Variants in USF3 observed in about 807,000 individuals in gnomAD.
The protein encoded by USF3 is upstream transcription factor family member 3.
USF3 carries 29 observed loss-of-function variants against 157.5 expected under a neutral mutation model. That is an observed-to-expected ratio of 0.18 (90% confidence interval 0.14 to 0.25). The LOEUF is 0.25. Ranked by LOEUF, USF3 falls within the 10% of genes least tolerant of loss-of-function variation. The probability of loss-of-function intolerance (pLI) is 1.00; values close to 1 mark genes in which losing one functional copy is unlikely to be tolerated. For synonymous variants in USF3, 893 were observed against 941.4 expected, an observed-to-expected ratio of 0.95 and a Z score of 0.94; for missense variants, 2,381 against 2,667.6, an observed-to-expected ratio of 0.89 and a Z score of 2.37.
chr3:113,657,504 G>T lies in USF3; in HGVS notation c.4178C>A (p.Ala1393Asp). The T allele has an allele frequency of 6.2e-7, 1 of 1,614,152 alleles. No individual in the cohort carries two copies. The highest frequency in any genetic ancestry group is 8.5e-7 in the Non-Finnish European group (1 of 1,180,038). The change falls in exon 7 of 7, where the codon GCT (alanine) becomes GAT (aspartate). Residue 1393 changes from alanine (A) to aspartate (D), a missense_variant. This residue lies in a region of USF3 where 1,435 missense variants were observed against 1,550.9 expected (regional missense o/e 0.93). Coordinates refer to ENST00000316407, the MANE Select transcript of USF3 (RefSeq NM_001009899.4). ...TAATCGTGTAAGGCCATCTCCATGA[G>T]CTGGGTTGCTAACAGGCACAACTGA... ...SNSVVPVSNP[A>D]HGDGLTRLFP...
Position 113,650,504 on chromosome 3 carries a change from G to T in USF3, c.*4440C>A, listed in dbSNP as rs1451740767. The stretch of plus-strand genomic sequence containing the variant: ...TTCCCTGAGCCCTATTTGACATGGA[G>T]CAGATGGAAGAGCATAAGTGCCTAC... On this transcript the variant is annotated 3_prime_UTR_variant, in exon 7 of 7. Transcript: ENST00000316407. The T allele has an allele frequency of 6.6e-6, 1 of 152,122 alleles. No homozygotes were observed. The highest frequency in any genetic ancestry group is 1.5e-5 in the Non-Finnish European group (1 of 68,034). 9.4% of individuals were successfully genotyped at this position (152,122 alleles called of 1,614,324 possible).
chr3:113,668,870 T>C (rs12630791), intron 5 of USF3, among the ~76,000 whole-genome samples: 52,532 of 151,678 alleles, frequency 0.35, 9,198 homozygotes, highest in African/African-American at 0.41. Flanking sequence ...CTGGAAGAGG[T>C]CAACTGGTTG....
Position 113,656,514 on chromosome 3 carries a change from T to C in USF3, c.5168A>G (p.His1723Arg). ...AAGGCGGATATCTGAGGCCACAGTA[T>C]GGTCCACACGACCCTGCATATTATG... ...AIHNMQGRVDHTVASDIRLSD... is the reference protein window; with the variant it reads ...AIHNMQGRVDRTVASDIRLSD... Residue 1723 changes from histidine to arginine, a missense_variant, in exon 7 of 7, where the codon CAT becomes CGT. Physicochemically the swap from His to Arg is conservative, Grantham distance 29 (BLOSUM62 0). This residue lies in a region of USF3 where 770 missense variants were observed against 824.2 expected (regional missense o/e 0.93). Coordinates refer to ENST00000316407, the MANE Select transcript of USF3 (RefSeq NM_001009899.4). The C allele has an allele frequency of 6.2e-7, 1 of 1,614,252 alleles. No individual in the cohort carries two copies. The highest frequency in any genetic ancestry group is 8.5e-7 in the Non-Finnish European group (1 of 1,180,052).
At position 113,661,175 on chromosome 3, in the gene USF3, A is replaced by G. The variant is rs1947478828; in HGVS notation, c.507T>C (p.Thr169=). The G allele has an allele frequency of 6.2e-7, 1 of 1,614,112 alleles. No individual in the cohort carries two copies. Among genetic ancestry groups the G allele is most frequent in the South Asian group, 1.1e-5 (1 of 91,088 alleles). ...NSQGTAVQGI[T]FNVSHNLQKQ... is the part of the protein sequence containing the mutation. ...TTTGTAAATTATGACTAACATTAAA[A>G]GTTATCCCCTGAACAGCTGTTCCCT... Residue 169 remains threonine (T), a synonymous_variant, in exon 7 of 7, where the codon ACT becomes ACC. Transcript: ENST00000316407.
chr3:113,675,277 T>C (rs922868695), intron 2 of USF3, among the ~76,000 whole-genome samples: 2 of 152,166 alleles, frequency 1.3e-5, no homozygotes, highest in Admixed American at 6.5e-5. Context: ...TGAAGTGTTA[T>C]ACAGAATTTA....
chr3:113,686,955 A>T (rs1013569545), intron 1 of USF3, among the ~76,000 whole-genome samples: 1 of 152,164 alleles, frequency 6.6e-6, no homozygotes, highest in Admixed American at 6.5e-5. Flanking sequence ...TTTGGAAGTG[A>T]ATACTAAGTC....
chr3:113,659,719 T>C lies in USF3; in HGVS notation c.1963A>G (p.Thr655Ala). 1 of 1,614,258 alleles carries C rather than the reference T, an allele frequency of 6.2e-7. No homozygotes were observed. The highest frequency in any genetic ancestry group is 8.5e-7 in the Non-Finnish European group (1 of 1,180,042). Residue 655 changes from threonine (T) to alanine (A), a missense_variant, in exon 7 of 7, where the codon ACC becomes GCC. Physicochemically the swap from Thr to Ala is moderately conservative, Grantham distance 58. This residue lies in a region of USF3 where 1,435 missense variants were observed against 1,550.9 expected (regional missense o/e 0.93). Transcript: ENST00000316407. Reference sequence around the variant, plus strand: ...GTTTGAGGCTGTTGGTTTGACATGGTAACAGAAAAAGTTTGTGTTGAGTTA... The same window carrying C: ...GTTTGAGGCTGTTGGTTTGACATGGCAACAGAAAAAGTTTGTGTTGAGTTA... ...ASNSTQTFSV[T>A]MSNQQPQTIS... is the part of the protein sequence containing the mutation.
chr3:113,659,906 T>A lies in USF3; in HGVS notation c.1776A>T (p.Pro592=). Residue 592 remains proline (P), a synonymous_variant, in exon 7 of 7, where the codon CCA becomes CCT. Coordinates refer to ENST00000316407, the MANE Select transcript of USF3 (RefSeq NM_001009899.4). ...AACCAGGAGGTGGAGCAGGGAGGAG[T>A]GGCAAAGGATTCTGATTAGCAGCCT... The part of the protein sequence containing the change: ...IIQAANQNPL[P]LLPAPPPGSV... 1 of 1,613,818 alleles carries A rather than the reference T, an allele frequency of 6.2e-7. No individual in the cohort carries two copies. Among genetic ancestry groups the A allele is most frequent in the Non-Finnish European group, 8.5e-7 (1 of 1,179,930 alleles).
Position 113,655,423 on chromosome 3 carries a change from C to A in USF3, c.6259G>T (p.Val2087Phe). 1 of 1,614,076 alleles carries A rather than the reference C, an allele frequency of 6.2e-7. No individual in the cohort carries two copies. Among genetic ancestry groups the A allele is most frequent in the Non-Finnish European group, 8.5e-7 (1 of 1,180,036 alleles). The change falls in exon 7 of 7, where the codon GTT (valine) becomes TTT (phenylalanine). Residue 2087 changes from valine to phenylalanine, a missense_variant. Physicochemically the swap from Val to Phe is conservative, Grantham distance 50. Coordinates refer to ENST00000316407, the MANE Select transcript of USF3 (RefSeq NM_001009899.4). ...INANASFIPQ[V>F]TQPSATRTPA... is the part of the protein sequence containing the mutation. ...GTTCGAGTGGCACTAGGCTGAGTAA[C>A]CTGTGGAATGAAAGAAGCATTAGCA...
In USF3 at chr3:113,660,847, T is replaced by G; in HGVS notation, c.835A>C (p.Asn279His). Residue 279 changes from asparagine to histidine, a missense_variant, in exon 7 of 7, where the codon AAT becomes CAT. Physicochemically the swap from Asn to His is moderately conservative, Grantham distance 68. Around this residue, in one of 6 missense-constraint regions of USF3, gnomAD observed 1,435 missense variants for 1,550.9 expected, o/e 0.93. Transcript: ENST00000316407. ...TGTCCATTCTTATTTTCAGAAGAAT[T>G]TTGATCATTTAGGCATGTGTGCAAA... The part of the protein sequence containing the change: ...HSLHTCLNDQ[N>H]SSENKNGQEN... 6.2e-7 allele frequency: 1 copy of G among 1,614,154 alleles called. No homozygotes were observed. Among genetic ancestry groups the G allele is most frequent in the Non-Finnish European group, 8.5e-7 (1 of 1,180,026 alleles).
chr3:113,657,103 G>A lies in USF3; in HGVS notation c.4579C>T (p.Leu1527Phe). Residue 1527 changes from leucine to phenylalanine, a missense_variant, in exon 7 of 7, where the codon CTT becomes TTT. Coordinates refer to ENST00000316407, the MANE Select transcript of USF3 (RefSeq NM_001009899.4). ...QEVQMQKKRNLVQGTQTSQLS... is the reference protein window; with the variant it reads ...QEVQMQKKRNFVQGTQTSQLS... ...TGAGAGGTCTGGGTGCCCTGAACAA[G>A]ATTCCTCTTTTTCTGCATCTGAACT... 6.2e-7 allele frequency: 1 copy of A among 1,614,128 alleles called. No homozygotes were observed. Among genetic ancestry groups the A allele is most frequent in the Non-Finnish European group, 8.5e-7 (1 of 1,180,016 alleles).
chr3:113,663,693 G>A (rs1947521177), intron 6 of USF3, among the ~76,000 whole-genome samples: 1 of 152,074 alleles, frequency 6.6e-6, no homozygotes, highest in Non-Finnish European at 1.5e-5. Context: ...ATTTCAAACT[G>A]GCCTACCCTG....
At chr3:113,661,821 G>T (rs1244252594) in intron 6 of USF3, among the ~76,000 whole-genome samples, 1 of 152,162 alleles carries the variant, frequency 6.6e-6, no homozygotes, top group Non-Finnish European at 1.5e-5. Context: ...AACATTACCT[G>T]TGATAGTAAC....
intron 1 of USF3, among the ~76,000 whole-genome samples, chr3:113,683,938 ATT>A (rs1485287853): frequency 6.6e-6 from 1 of 152,192 alleles, no homozygotes; most frequent in African/African-American, 2.4e-5. Flanking sequence ...TTGTCTATGT[ATT>A]TACTGTTACC....
chr3:113,655,633 A>G lies in USF3; in HGVS notation c.6049T>C (p.Ser2017Pro). Residue 2017 changes from serine to proline, a missense_variant, in exon 7 of 7, where the codon TCT becomes CCT. By Grantham distance (74) the Ser-to-Pro change is moderately conservative. Coordinates refer to ENST00000316407, the MANE Select transcript of USF3 (RefSeq NM_001009899.4). ...FDPSLPHLPL[S>P]TGGSMILGRQ... ...CCAAGAATCATACTGCCACCAGTAG[A>G]GAGAGGAAGATGGGGAAGACTTGGA... The G allele has an allele frequency of 1.2e-6, 2 of 1,613,908 alleles. No homozygotes were observed. The highest frequency in any genetic ancestry group is 1.7e-6 in the Non-Finnish European group (2 of 1,179,786).
At chr3:113,683,041 T>A (rs1404645186) in intron 1 of USF3, among the ~76,000 whole-genome samples, 1 of 152,102 alleles carries the variant, frequency 6.6e-6, no homozygotes, top group Non-Finnish European at 1.5e-5. Context: ...TTTTATGGTC[T>A]TCTCTTCCTT....
Position 113,658,002 on chromosome 3 carries a change from T to C in USF3, c.3680A>G (p.Gln1227Arg), listed in dbSNP as rs1577028880. The C allele has an allele frequency of 2.5e-6, 4 of 1,614,204 alleles. No homozygotes were observed. The highest frequency in any genetic ancestry group is 3.4e-6 in the Non-Finnish European group (4 of 1,180,026). ...GCTTGGTGGCTGAGAAGTTGAATCC[T>C]GTAAAGATGCATTTGATGTTTTAAT... Reference protein sequence around the residue: ...LGIKTSNASLQDSTSQPPSIT... With the variant: ...LGIKTSNASLRDSTSQPPSIT... The change falls in exon 7 of 7, where the codon CAG (glutamine) becomes CGG (arginine). Residue 1227 changes from glutamine (Q) to arginine (R), a missense_variant. Gln to Arg is a conservative substitution (Grantham distance 43). Around this residue, in one of 6 missense-constraint regions of USF3, gnomAD observed 1,435 missense variants for 1,550.9 expected, o/e 0.93. Transcript: ENST00000316407.
intron 4 of USF3, among the ~76,000 whole-genome samples, chr3:113,670,908 T>A (rs946511374): frequency 6.6e-6 from 1 of 150,812 alleles, no homozygotes; most frequent in Admixed American, 6.6e-5. Context: ...TGCCCAACTA[T>A]TTTTTTTTGT....
Position 113,660,648 on chromosome 3 carries a change from G to A in USF3, c.1034C>T (p.Ser345Leu), listed in dbSNP as rs200174337. The change falls in exon 7 of 7, where the codon TCG becomes TTG. Residue 345 changes from serine (S) to leucine (L), a missense_variant. By Grantham distance (145) the Ser-to-Leu change is moderately radical. Transcript: ENST00000316407. Reference sequence around the variant, plus strand: ...ATCACCTGCAGTTCTGGGAGGCTGCGAGCAGACTGTGGTGGTAACTGAAAC... The same window carrying A: ...ATCACCTGCAGTTCTGGGAGGCTGCAAGCAGACTGTGGTGGTAACTGAAAC... The part of the protein sequence containing the change: ...FVVSVTTTVC[S>L]QPPRTAGDSS... The A allele has an allele frequency of 2.6e-5, 42 of 1,614,026 alleles. No individual in the cohort carries two copies. Among genetic ancestry groups the A allele is most frequent in the Non-Finnish European group, 3.0e-5 (35 of 1,180,018 alleles).
Sources: allele counts gnomAD v4.1 joint callset (sites outside exome capture counted in the v4.1 genomes callset), GRCh38; gene constraint gnomAD v4.1.1; regional missense constraint gnomAD v4.1.1; transcripts MANE v1.5; gene names NCBI Gene and HGNC (gene_info 2026-07-23, HGNC 2026-07-21).